The following LRRTM4 variants were observed in gnomAD, a reference collection of about 807,000 sequenced individuals.
LRRTM4 encodes leucine rich repeat transmembrane neuronal 4.
Under a neutral mutation model 47.6 loss-of-function variants are expected in LRRTM4, and 25 were observed. The observed-to-expected ratio is 0.53, with a 90% CI of 0.38 to 0.73. LRRTM4 has a LOEUF of 0.73. Among genes scored for constraint, LRRTM4 ranks in the 30% least tolerant of loss-of-function variants. The pLI is 0.00. For missense variants in LRRTM4, 638 were observed against 713.4 expected, an observed-to-expected ratio of 0.89 and a Z score of 1.20; for synonymous variants, 311 against 269.5, an observed-to-expected ratio of 1.15 and a Z score of -1.51.
chr2:76,788,251 C>CTA (rs1377801140), intron 3 of LRRTM4, among the ~76,000 whole-genome samples: 7 of 152,142 alleles, frequency 4.6e-5, no homozygotes, highest in Non-Finnish European at 1.0e-4. Flanking sequence ...CAGCAATTGA[C>CTA]TATGCCTTAG....
chr2:76,920,965 T>TC (rs1482470271), intron 3 of LRRTM4, among the ~76,000 whole-genome samples: 2 of 152,102 alleles, frequency 1.3e-5, no homozygotes, highest in Non-Finnish European at 2.9e-5. Flanking sequence ...CACGTACCCC[T>TC]CACCCTGTTT....
In LRRTM4 at chr2:77,180,690, G is replaced by A. The variant is rs72807300; in HGVS notation, c.1551+337628C>T. 3.3e-3 allele frequency among the ~76,000 whole-genome samples: 496 copies of A among 151,964 alleles called. 1 individual carries two copies. Among genetic ancestry groups the A allele is most frequent in the Non-Finnish European group, 5.8e-3 (395 of 67,954 alleles). On this transcript the variant is annotated intron_variant, in intron 3 of 3. Coordinates refer to ENST00000409884, the MANE Select transcript of LRRTM4 (RefSeq NM_001134745.3). ...TTATATGCCTATTTCATTTCCATTT[G>A]TATTTGAAAAGAAATTCTGATTGTC... is the stretch of plus-strand genomic sequence containing the variant.
intron 3 of LRRTM4, among the ~76,000 whole-genome samples, chr2:77,341,632 A>G (rs944947477): frequency 2.0e-5 from 3 of 152,070 alleles, no homozygotes; most frequent in African/African-American, 7.2e-5. Context: ...TTCAGTAACT[A>G]TCTGTTGAAT....
intron 3 of LRRTM4, among the ~76,000 whole-genome samples, chr2:77,178,388 C>T (rs1673256583): frequency 6.6e-6 from 1 of 152,086 alleles, no homozygotes; most frequent in South Asian, 2.1e-4. Context: ...GAGTTCGAGA[C>T]CAGCCTGGCC....
intron 3 of LRRTM4, among the ~76,000 whole-genome samples, chr2:76,846,560 GCTAT>G (rs1171192176): frequency 6.6e-6 from 1 of 151,988 alleles, no homozygotes; most frequent in Non-Finnish European, 1.5e-5. Flanking sequence ...TACCATAAAT[GCTAT>G]CTAATAATTT....
chr2:77,366,801 T>G (rs540995945), intron 3 of LRRTM4, among the ~76,000 whole-genome samples: 12 of 152,008 alleles, frequency 7.9e-5, no homozygotes, highest in African/African-American at 2.9e-4. Context: ...TTCGTATGCA[T>G]TAATTAATCT....
At chr2:76,968,256 TA>T (rs144819224) in intron 3 of LRRTM4, among the ~76,000 whole-genome samples, 7,751 of 146,566 alleles carry the variant, frequency 0.053, 477 homozygotes, top group East Asian at 0.14. Flanking sequence ...AAATTCTTTT[TA>T]AAAAAAACAA....
Position 77,209,439 on chromosome 2 carries a change from A to C in LRRTM4, c.1551+308879T>G, listed in dbSNP as rs541222453. 5.3e-5 allele frequency among the ~76,000 whole-genome samples: 8 copies of C among 152,108 alleles called. No homozygotes were observed. In the South Asian group the frequency reaches 1.7e-3, roughly 32 times the overall value. On this transcript the variant is annotated intron_variant, in intron 3 of 3. Coordinates refer to ENST00000409884, the MANE Select transcript of LRRTM4 (RefSeq NM_001134745.3). ...TGGCTTTTGTAAGAAAAAAAAAAAA[A>C]CAAAAAACCAACCAATTTATACCAG...
intron 3 of LRRTM4, among the ~76,000 whole-genome samples, chr2:77,226,179 A>G (rs932711395): frequency 6.6e-6 from 1 of 151,912 alleles, no homozygotes; most frequent in Non-Finnish European, 1.5e-5. Flanking sequence ...AACAATTACA[A>G]TTCCTCTATC....
At chr2:77,026,458 T>C (rs564536414) in intron 3 of LRRTM4, among the ~76,000 whole-genome samples, 5 of 152,264 alleles carry the variant, frequency 3.3e-5, no homozygotes, top group Non-Finnish European at 7.4e-5. Flanking sequence ...GTCTCATATA[T>C]GCACTAACAA....
chr2:76,782,448 C>G (rs1009438247), intron 3 of LRRTM4, among the ~76,000 whole-genome samples: 1 of 152,130 alleles, frequency 6.6e-6, no homozygotes, highest in South Asian at 2.1e-4. Context: ...CGATATTGCA[C>G]TAAACATGTT....
intron 3 of LRRTM4, among the ~76,000 whole-genome samples, chr2:77,271,297 G>C (rs1573175517): frequency 6.6e-6 from 1 of 152,160 alleles, no homozygotes; most frequent in East Asian, 1.9e-4. Flanking sequence ...GAGGCTAGGG[G>C]CCAACTAAGC....
At position 77,223,535 on chromosome 2, in the gene LRRTM4, A is replaced by G. The variant is rs958819331; in HGVS notation, c.1551+294783T>C. On this transcript the variant is annotated intron_variant, in intron 3 of 3. Coordinates refer to ENST00000409884, the MANE Select transcript of LRRTM4 (RefSeq NM_001134745.3). Reference sequence around the variant, plus strand: ...GTCTCAGGATACAAAATCAATGTGCAAAAATCACAAGCATTCTTATACAAC... The same window carrying G: ...GTCTCAGGATACAAAATCAATGTGCGAAAATCACAAGCATTCTTATACAAC... 6.7e-4 allele frequency among the ~76,000 whole-genome samples: 102 copies of G among 152,330 alleles called. No individual in the cohort carries two copies. The Middle Eastern group carries it at 0.01, about 15-fold the overall frequency.
rs1469166126 is a variant in LRRTM4 at position 76,800,262 on chromosome 2, T to C, written c.1552-51346A>G. 5.3e-4 allele frequency among the ~76,000 whole-genome samples: 79 copies of C among 148,482 alleles called. 1 individual carries two copies. The highest frequency in any genetic ancestry group is 1.8e-4 in the Non-Finnish European group (12 of 67,588). The stretch of plus-strand genomic sequence containing the variant: ...ACTGGTACCAAAACAGAGATATAGA[T>C]CAATGGAACAGAACAGAGCCCTCAG... On this transcript the variant is annotated intron_variant, in intron 3 of 3. Coordinates refer to ENST00000409884, the MANE Select transcript of LRRTM4 (RefSeq NM_001134745.3).
At chr2:77,255,169 T>C (rs1675729058) in intron 3 of LRRTM4, among the ~76,000 whole-genome samples, 1 of 151,896 alleles carries the variant, frequency 6.6e-6, no homozygotes, top group East Asian at 1.9e-4. Context: ...ACAAAACTAC[T>C]AGTAACAGAC....
intron 3 of LRRTM4, among the ~76,000 whole-genome samples, chr2:76,874,360 A>G (rs887465128): frequency 3.3e-5 from 5 of 151,948 alleles, no homozygotes; most frequent in African/African-American, 9.7e-5. Flanking sequence ...TGTTTATTCT[A>G]TGGCTATACT....
At chr2:77,032,356 T>G (rs2104143643) in intron 3 of LRRTM4, among the ~76,000 whole-genome samples, 1 of 152,288 alleles carries the variant, frequency 6.6e-6, no homozygotes, top group East Asian at 1.9e-4. Flanking sequence ...TCTATTTCCC[T>G]GTTAATTTTC....
chr2:76,952,767 A>G (rs908160338), intron 3 of LRRTM4, among the ~76,000 whole-genome samples: 23 of 151,962 alleles, frequency 1.5e-4, no homozygotes, highest in Non-Finnish European at 2.9e-4. Context: ...ATTATTCACA[A>G]TAGCAAAAAC....
At chr2:77,281,212 T>C (rs942263746) in intron 3 of LRRTM4, among the ~76,000 whole-genome samples, 1 of 151,928 alleles carries the variant, frequency 6.6e-6, no homozygotes, top group East Asian at 1.9e-4. Flanking sequence ...CCATGTTTAG[T>C]GTTTCTTGTG....
Sources: gnomAD v4.1 joint callset for allele counts (sites outside exome capture counted in the v4.1 genomes callset) on GRCh38, gnomAD v4.1.1 for gene constraint, MANE v1.5 for transcripts, NCBI Gene and HGNC (gene_info 2026-07-23, HGNC 2026-07-21) for gene names.